The following DIAPH2 variants were observed in gnomAD, a reference collection of about 807,000 sequenced individuals.
The protein encoded by DIAPH2 is diaphanous related formin 2.
DIAPH2 carries 35 observed loss-of-function variants against 92.7 expected under a neutral mutation model. The ratio of observed to expected loss-of-function variants is 0.38; its 90% confidence interval spans 0.29 to 0.50. The LOEUF (loss-of-function observed/expected upper bound fraction) is 0.50, where lower values mean the gene tolerates loss of function less well. Among genes scored for constraint, DIAPH2 ranks in the 20% least tolerant of loss-of-function variants. The pLI is 0.94. For missense variants in DIAPH2, 701 were observed against 819.5 expected (o/e 0.86, Z 1.77); for synonymous variants, 301 against 280.4 (o/e 1.07, Z -0.73).
intron 1 of DIAPH2, among the ~76,000 whole-genome samples, chrX:96,702,247 A>G (rs1217705822): frequency 1.8e-5 from 2 of 111,967 alleles, no homozygotes; most frequent in Admixed American, 1.9e-4. Context: ...GGTTAGTTTT[A>G]TTACTGATGA....
At chrX:97,386,093 A>G (rs945363976) in intron 25 of DIAPH2, among the ~76,000 whole-genome samples, 1 of 112,462 alleles carries the variant, frequency 8.9e-6, no homozygotes, top group Non-Finnish European at 1.9e-5. Flanking sequence ...TAGTCTTTGT[A>G]CTTTTAAAAT....
At position 97,600,186 on chromosome X, in the gene DIAPH2, C is replaced by G. The variant is rs2071584357; in HGVS notation, c.*869C>G. On this transcript the variant is annotated 3_prime_UTR_variant, in exon 27 of 27. Transcript: ENST00000324765. Reference sequence around the variant, plus strand: ...ATTACGTTTATTTAGATTTCAAAGGCAAATATTGATTCCTATGCTCTGTGG... The same window carrying G: ...ATTACGTTTATTTAGATTTCAAAGGGAAATATTGATTCCTATGCTCTGTGG... The G allele has an allele frequency of 8.9e-6, 1 of 112,149 alleles. No individual in the cohort carries two copies. Among genetic ancestry groups the G allele is most frequent in the South Asian group, 3.7e-4 (1 of 2,714 alleles). The allele number at this position is 112,149 out of a possible 1,213,427, so 9.2% of individuals were successfully genotyped here.
intron 23 of DIAPH2, among the ~76,000 whole-genome samples, chrX:97,293,058 T>A: frequency 9.1e-6 from 1 of 109,852 alleles, no homozygotes; most frequent in East Asian, 2.9e-4. Flanking sequence ...AATAATAACA[T>A]GAAAGTGAAA....
At position 96,834,522 on chromosome X, in the gene DIAPH2, T is replaced by A. The variant is rs1056211911; in HGVS notation, c.448-47057T>A. Among the ~76,000 whole-genome samples the A allele has an allele frequency of 8.9e-5, 10 of 112,297 alleles. No individual in the cohort carries two copies. In the South Asian group the frequency reaches 3.7e-3, roughly 42 times the overall value. On this transcript the variant is annotated intron_variant, in intron 4 of 26. Coordinates refer to ENST00000324765, the MANE Select transcript of DIAPH2 (RefSeq NM_006729.5). ...GTTACTCATGTATAATCAGTGAGTT[T>A]AAGAAAATTCCAGATATGGTAATTA... is the stretch of plus-strand genomic sequence containing the variant.
chrX:97,546,815 G>A (rs888884801), intron 26 of DIAPH2, among the ~76,000 whole-genome samples: 9 of 109,111 alleles, frequency 8.2e-5, no homozygotes, highest in Non-Finnish European at 1.1e-4. Flanking sequence ...CAGCCTCGGC[G>A]ACAGAGTGAG....
At chrX:97,074,424 A>G (rs1253896330) in intron 18 of DIAPH2, among the ~76,000 whole-genome samples, 1 of 112,411 alleles carries the variant, frequency 8.9e-6, no homozygotes, top group Non-Finnish European at 1.9e-5. Context: ...AAAAAAAGAA[A>G]AAAGAAATGT....
At chrX:96,803,265 T>C (rs1267809437) in intron 4 of DIAPH2, among the ~76,000 whole-genome samples, 1 of 109,916 alleles carries the variant, frequency 9.1e-6, no homozygotes. Context: ...TCACTTGATA[T>C]TGTCAATCTT....
At chrX:97,505,145 A>T (rs1243641584) in intron 26 of DIAPH2, among the ~76,000 whole-genome samples, 1 of 112,200 alleles carries the variant, frequency 8.9e-6, no homozygotes, top group East Asian at 2.8e-4. Context: ...GCAATTAAAG[A>T]GTTTTTGATT....
chrX:97,334,248 G>A (rs1332845830), intron 23 of DIAPH2, among the ~76,000 whole-genome samples: 1 of 109,454 alleles, frequency 9.1e-6, no homozygotes, highest in East Asian at 2.9e-4. Flanking sequence ...GGATCACGAG[G>A]TCAGGAGATC....
intron 25 of DIAPH2, 61 bp from the exon 26 acceptor site, chrX:97,429,589 A>T: frequency 8.6e-7 from 1 of 1,165,822 alleles, no homozygotes; most frequent in Admixed American, 2.6e-5. Context: ...TTTTCCCTTT[A>T]TTTTCCTGTA....
At chrX:97,351,083 T>C (rs2069208020) in intron 24 of DIAPH2, among the ~76,000 whole-genome samples, 2 of 112,400 alleles carry the variant, frequency 1.8e-5, no homozygotes, top group Admixed American at 9.5e-5. Flanking sequence ...CTACCACTTC[T>C]ATCTACAAAT....
chrX:97,164,427 A>G (rs1480243344), intron 22 of DIAPH2, among the ~76,000 whole-genome samples: 1 of 111,834 alleles, frequency 8.9e-6, no homozygotes, highest in African/African-American at 3.2e-5. Flanking sequence ...CTGTCGGCAA[A>G]AGTGAGGCAG....
intron 10 of DIAPH2, among the ~76,000 whole-genome samples, chrX:96,933,903 A>T (rs1234452697): frequency 1.9e-5 from 2 of 107,846 alleles, no homozygotes; most frequent in African/African-American, 6.8e-5. Flanking sequence ...GGTGTGAGCC[A>T]CTGCGCCTGG....
intron 26 of DIAPH2, among the ~76,000 whole-genome samples, chrX:97,573,669 T>G (rs1190904919): frequency 5.5e-4 from 58 of 105,975 alleles, no homozygotes; most frequent in African/African-American, 1.8e-3. Flanking sequence ...TTTTTTTTTG[T>G]TTTTTTTTGA....
At chrX:97,094,985 G>A (rs939721354) in intron 19 of DIAPH2, among the ~76,000 whole-genome samples, 1 of 107,537 alleles carries the variant, frequency 9.3e-6, no homozygotes, top group Admixed American at 1.0e-4. Flanking sequence ...CCATAAAAAA[G>A]TTCTGAAAAA....
intron 17 of DIAPH2, among the ~76,000 whole-genome samples, chrX:96,997,753 G>A (rs5966607): frequency 0.38 from 42,002 of 110,387 alleles, 6,234 homozygotes; most frequent in South Asian, 0.55. Context: ...CTCCATCTCA[G>A]TAATCATCTT....
intron 4 of DIAPH2, among the ~76,000 whole-genome samples, chrX:96,765,059 C>T (rs2064293234): frequency 9.0e-6 from 1 of 111,123 alleles, no homozygotes; most frequent in Non-Finnish European, 1.9e-5. Flanking sequence ...CTCTCACCCA[C>T]CCATGCATAT....
chrX:97,364,983 A>G (rs1403505797), intron 24 of DIAPH2, among the ~76,000 whole-genome samples: 1 of 110,630 alleles, frequency 9.0e-6, no homozygotes, highest in Non-Finnish European at 1.9e-5. Context: ...CAAACTCAGC[A>G]TATTCAAAAG....
At chrX:97,265,960 G>A (rs746851881) in intron 23 of DIAPH2, among the ~76,000 whole-genome samples, 5 of 111,710 alleles carry the variant, frequency 4.5e-5, no homozygotes, top group African/African-American at 6.5e-5. Context: ...GCTCTTTCTC[G>A]GTTTCTTGCA....
Sources: gnomAD v4.1 joint callset for allele counts (sites outside exome capture counted in the v4.1 genomes callset) on GRCh38, gnomAD v4.1.1 for gene constraint, MANE v1.5 for transcripts, NCBI Gene and HGNC (gene_info 2026-07-23, HGNC 2026-07-21) for gene names.